Variants in FBXO31 observed in about 807,000 individuals in gnomAD.
FBXO31 encodes F-box protein 31.
FBXO31 carries 24 observed loss-of-function variants against 54.4 expected under a neutral mutation model. The observed-to-expected ratio is 0.44, with a 90% CI of 0.32 to 0.62. The LOEUF (loss-of-function observed/expected upper bound fraction) is 0.62. Among genes scored for constraint, FBXO31 ranks in the 20% least tolerant of loss-of-function variants. The pLI, the probability that FBXO31 is intolerant of heterozygous loss-of-function variation, is 0.05. For missense variants in FBXO31, 665 were observed against 787.1 expected (o/e 0.84, Z 1.86); for synonymous variants, 388 against 335.6 (o/e 1.16, Z -1.71).
intron 4 of FBXO31, 106 bp from the exon 5 acceptor site, chr16:87,343,057 C>A: frequency 1.1e-6 from 1 of 916,102 alleles, no homozygotes; most frequent in Non-Finnish European, 1.7e-6. Context: ...CCACACCCAC[C>A]AAACCCCACT....
chr16:87,345,392 A>T lies in FBXO31; in HGVS notation c.490-1627T>A, dbSNP rs972109014. Among the ~76,000 whole-genome samples the T allele has an allele frequency of 1.6e-4, 25 of 151,636 alleles. No individual in the cohort carries two copies. Among genetic ancestry groups the T allele is most frequent in the African/African-American group, 5.6e-4 (23 of 41,262 alleles). On this transcript the variant is annotated intron_variant, in intron 3 of 8. Coordinates refer to ENST00000311635, the MANE Select transcript of FBXO31 (RefSeq NM_024735.5). The surrounding 1 kb of genome is among the most constrained non-coding windows in gnomAD (Gnocchi z 4.9). ...GGAGGGCGGACCGGAAGCCATGCAG[A>T]CTCCATGCAGACACTGGCACCACGC...
rs146140422 is a variant in FBXO31, at chr16:87,330,074, G to T, written c.*1214C>A. On this transcript the variant is annotated 3_prime_UTR_variant, in exon 9 of 9. Transcript: ENST00000311635. ...CAGAGAGGGAAGGCTCGCTGGGGAC[G>T]CCCACTCGGGCACGGAGCTGGCTGT... 6.8e-4 allele frequency: 103 copies of T among 152,552 alleles called. No individual in the cohort carries two copies. The highest frequency in any genetic ancestry group is 2.3e-3 in the African/African-American group (97 of 41,596). 9.4% of individuals were successfully genotyped at this position (152,552 alleles called of 1,614,324 possible).
intron 1 of FBXO31, among the ~76,000 whole-genome samples, chr16:87,365,719 A>G (rs1300447806): frequency 6.6e-6 from 1 of 152,238 alleles, no homozygotes; most frequent in African/African-American, 2.4e-5. Context: ...TTGACAATGT[A>G]TGAAACAACT....
upstream of FBXO31, among the ~76,000 whole-genome samples, chr16:87,387,467 C>T (rs945261530): frequency 1.3e-5 from 2 of 152,114 alleles, no homozygotes; most frequent in Non-Finnish European, 1.5e-5. Context: ...GGGCATTTTC[C>T]AATTGGTTGC....
intron 1 of FBXO31, 82 bp from the exon 2 acceptor site, chr16:87,360,448 G>C (rs994507859): frequency 1.6e-6 from 2 of 1,214,958 alleles, no homozygotes; most frequent in African/African-American, 3.0e-5. Context: ...ATGGCTGGCA[G>C]GGGAGGTGCA....
At chr16:87,375,171 T>C (rs1056745877) in intron 1 of FBXO31, among the ~76,000 whole-genome samples, 5 of 152,150 alleles carry the variant, frequency 3.3e-5, no homozygotes, top group African/African-American at 1.2e-4. Flanking sequence ...CCGGGCGTGG[T>C]AGCGGGCGCC....
intron 1 of FBXO31, among the ~76,000 whole-genome samples, chr16:87,366,384 A>G (rs763096832): frequency 6.6e-6 from 1 of 152,206 alleles, no homozygotes; most frequent in African/African-American, 2.4e-5. Context: ...AATGCTCCTT[A>G]TCATAAAACA....
chr16:87,361,907 CTG>C (rs1177900121), intron 1 of FBXO31, among the ~76,000 whole-genome samples: 3 of 152,258 alleles, frequency 2.0e-5, no homozygotes, highest in Non-Finnish European at 4.4e-5. Flanking sequence ...CCTAGAAGGC[CTG>C]TGTCTCCTCT....
chr16:87,364,543 A>G (rs1906272563), intron 1 of FBXO31, among the ~76,000 whole-genome samples: 1 of 152,138 alleles, frequency 6.6e-6, no homozygotes, highest in African/African-American at 2.4e-5. Flanking sequence ...GAGATCAACT[A>G]ACTATTCAGG....
At chr16:87,339,406 A>G (rs886837178) in intron 5 of FBXO31, among the ~76,000 whole-genome samples, 11 of 152,246 alleles carry the variant, frequency 7.2e-5, no homozygotes, top group Admixed American at 3.3e-4. Context: ...ACGTCGTGAG[A>G]GAAAAGCAGC....
At chr16:87,348,370 T>G (rs1187967049) in intron 2 of FBXO31, among the ~76,000 whole-genome samples, 1 of 152,162 alleles carries the variant, frequency 6.6e-6, no homozygotes, top group Non-Finnish European at 1.5e-5. Context: ...TCACCACCAC[T>G]GTTAGTTCCC....
At chr16:87,354,385 A>C (rs1029984463) in intron 2 of FBXO31, among the ~76,000 whole-genome samples, 4 of 151,882 alleles carry the variant, frequency 2.6e-5, no homozygotes, top group African/African-American at 9.7e-5. Context: ...GAGGTCAGTC[A>C]TCTGAGCCCG....
chr16:87,360,007 C>T (rs1278531718), intron 2 of FBXO31, among the ~76,000 whole-genome samples: 1 of 152,198 alleles, frequency 6.6e-6, no homozygotes, highest in East Asian at 1.9e-4. Context: ...CAGGCAGCCT[C>T]CAGGAACACC....
intron 1 of FBXO31, among the ~76,000 whole-genome samples, chr16:87,382,745 G>A (rs988036306): frequency 6.6e-6 from 1 of 152,158 alleles, no homozygotes; most frequent in African/African-American, 2.4e-5. Flanking sequence ...CCATTCTTCT[G>A]CCTCACCCTC....
In FBXO31 at chr16:87,359,739, C is replaced by T. The variant is rs569799680; in HGVS notation, c.412+556G>A. On this transcript the variant is annotated intron_variant, in intron 2 of 8. Transcript: ENST00000311635. ...GTCCCTGGCACTGAAGAAACACCCG[C>T]GGGAAGACAGCCTGGGGCCAAGGAG... Among the ~76,000 whole-genome samples, 13 of 152,286 alleles carry T rather than the reference C, an allele frequency of 8.5e-5. No homozygotes were observed. In the South Asian group the frequency reaches 1.0e-3, roughly 12 times the overall value.
intron 1 of FBXO31, among the ~76,000 whole-genome samples, chr16:87,375,011 T>G (rs1283847770): frequency 6.6e-6 from 1 of 152,106 alleles, no homozygotes; most frequent in African/African-American, 2.4e-5. Flanking sequence ...AGTGAAACCC[T>G]GGCTCTACAA....
In FBXO31 at chr16:87,335,565, T is replaced by A. The variant is rs993493842; in HGVS notation, c.843-108A>T. On this transcript the variant is annotated intron_variant, in intron 6 of 8. Coordinates refer to ENST00000311635, the MANE Select transcript of FBXO31 (RefSeq NM_024735.5). The surrounding 1 kb of genome is among the most constrained non-coding windows in gnomAD (Gnocchi z 5.7). ...TGCAGGGCGGGGTAGGGCGGGCAGCTCAGCTCAACCAGGGCCAGGTGTCCA... is the reference window on the plus strand; with the variant it reads ...TGCAGGGCGGGGTAGGGCGGGCAGCACAGCTCAACCAGGGCCAGGTGTCCA... 6 of 1,159,158 alleles carry A rather than the reference T, an allele frequency of 5.2e-6. No individual in the cohort carries two copies. In the African/African-American group the frequency reaches 7.7e-5, roughly 15 times the overall value. The allele number at this position is 1,159,158 out of a possible 1,614,324, so 71.8% of individuals were successfully genotyped here.
chr16:87,392,057 G>A (rs932543444), upstream of FBXO31: 1 of 206,156 alleles, frequency 4.9e-6, no homozygotes, highest in Admixed American at 6.0e-5. Context: ...ACAGACCCGG[G>A]GTGCGGCCCA....
chr16:87,365,038 T>TATATATATATATATATATATATATA, intron 1 of FBXO31, among the ~76,000 whole-genome samples: 1 of 110,816 alleles, frequency 9.0e-6, no homozygotes, highest in African/African-American at 3.4e-5. Flanking sequence ...TATATATATA[T>TATATATATATATATATATATATATA]ATCAGGCAGG....
Sources: gnomAD v4.1 joint callset for allele counts (sites outside exome capture counted in the v4.1 genomes callset) on GRCh38, gnomAD v4.1.1 for gene constraint, Gnocchi (gnomAD v3.1) non-coding constraint, MANE v1.5 for transcripts, NCBI Gene and HGNC (gene_info 2026-07-23, HGNC 2026-07-21) for gene names.